The following AFAP1 variants were observed in gnomAD, a reference collection of about 807,000 sequenced individuals.
AFAP1 encodes actin filament associated protein 1.
A neutral mutation model predicts 93.9 loss-of-function variants in AFAP1; 75 were observed. That is an observed-to-expected ratio of 0.80 (90% CI 0.66 to 0.97). The LOEUF is 0.97. Among genes scored for constraint, AFAP1 ranks in the 50% least tolerant of loss-of-function variants. AFAP1 has a pLI of 0.00. For synonymous variants in AFAP1, 517 were observed against 430.7 expected, an observed-to-expected ratio of 1.20 and a Z score of -2.48; for missense variants, 1,201 against 1,050.8, an observed-to-expected ratio of 1.14 and a Z score of -1.98.
intron 14 of AFAP1, chr4:7,775,111 A>G (rs761857733): frequency 1.2e-4 from 69 of 562,142 alleles, no homozygotes; most frequent in Non-Finnish European, 2.0e-4. Flanking sequence ...ACTGTGCTCC[A>G]GCCTGGATGA....
At chr4:7,833,206 A>G (rs895317102) in intron 6 of AFAP1, among the ~76,000 whole-genome samples, 2 of 152,214 alleles carry the variant, frequency 1.3e-5, no homozygotes, top group African/African-American at 4.8e-5. Flanking sequence ...CAGCAGAGTA[A>G]ACAGACAACC....
chr4:7,908,329 T>C (rs1394759856), intron 1 of AFAP1, among the ~76,000 whole-genome samples: 1 of 152,232 alleles, frequency 6.6e-6, no homozygotes, highest in Non-Finnish European at 1.5e-5. Flanking sequence ...ATACTCGCCA[T>C]ATTCCATGGC....
chr4:7,881,844 T>C (rs1421354506), intron 1 of AFAP1, among the ~76,000 whole-genome samples: 1 of 151,918 alleles, frequency 6.6e-6, no homozygotes, highest in Non-Finnish European at 1.5e-5. Flanking sequence ...TGGATCCACA[T>C]CCCAGCTGAT....
intron 1 of AFAP1, among the ~76,000 whole-genome samples, chr4:7,882,807 C>T (rs1257343695): frequency 4.6e-5 from 7 of 151,900 alleles, no homozygotes; most frequent in African/African-American, 7.3e-5. Context: ...TGCAGTGAGC[C>T]GAGATAGAGC....
chr4:7,912,334 C>T (rs62290571), intron 1 of AFAP1, among the ~76,000 whole-genome samples: 46,820 of 152,138 alleles, frequency 0.31, 8,983 homozygotes, highest in Non-Finnish European at 0.44. Context: ...GTGAGTGCTG[C>T]GTCCTATGGC....
chr4:7,856,217 A>C (rs893487795), intron 3 of AFAP1, among the ~76,000 whole-genome samples: 4 of 152,022 alleles, frequency 2.6e-5, no homozygotes, highest in Non-Finnish European at 4.4e-5. Context: ...TAGAGATGGA[A>C]TCCACTCCTT....
chr4:7,792,554 T>A (rs930529716), intron 11 of AFAP1, among the ~76,000 whole-genome samples: 4 of 152,178 alleles, frequency 2.6e-5, no homozygotes, highest in African/African-American at 9.7e-5. Flanking sequence ...CATCTGCAAA[T>A]GCCTATGTGC....
intron 17 of AFAP1, 145 bp downstream of exon 17, chr4:7,768,699 C>T: frequency 9.7e-7 from 1 of 1,031,974 alleles, no homozygotes; most frequent in East Asian, 3.0e-5. Context: ...ACTCGATAAG[C>T]ACCCATTCCC....
At chr4:7,888,790 T>TTTG (rs1553852158) in intron 1 of AFAP1, among the ~76,000 whole-genome samples, 1 of 151,984 alleles carries the variant, frequency 6.6e-6, no homozygotes, top group Admixed American at 6.6e-5. Flanking sequence ...ACAGTTTTTT[T>TTTG]TTGTTGTTGT....
intron 6 of AFAP1, among the ~76,000 whole-genome samples, chr4:7,832,246 A>C (rs1389721884): frequency 6.6e-6 from 1 of 152,100 alleles, no homozygotes; most frequent in Non-Finnish European, 1.5e-5. Context: ...GGACTTCCAG[A>C]AGGATCATCT....
intron 2 of AFAP1, among the ~76,000 whole-genome samples, chr4:7,869,477 A>G (rs1716828253): frequency 6.6e-6 from 1 of 152,236 alleles, no homozygotes; most frequent in Non-Finnish European, 1.5e-5. Flanking sequence ...TGTAATAGAC[A>G]TACTGTATGG....
intron 6 of AFAP1, among the ~76,000 whole-genome samples, chr4:7,824,178 C>A (rs1368383556): frequency 6.6e-6 from 1 of 152,156 alleles, no homozygotes; most frequent in Non-Finnish European, 1.5e-5. Flanking sequence ...ACTTGAAGAG[C>A]CATGTCCTAT....
At position 7,915,124 on chromosome 4, in the gene AFAP1, T is replaced by TTGGGAGGC. The variant is rs1720012745; in HGVS notation, c.-3+24531_-3+24532insGCCTCCCA. On this transcript the variant is annotated intron_variant, in intron 1 of 17. Transcript: ENST00000420658. The stretch of plus-strand genomic sequence containing the variant: ...GTTTCAAACTCCTGACATCCGGTGA[T>TTGGGAGGC]CTGCCCGCCTCGGCCTCCCAAAGTG... Among the ~76,000 whole-genome samples the TTGGGAGGC allele has an allele frequency of 3.9e-5, 6 of 152,346 alleles. No individual in the cohort carries two copies. In the South Asian group the frequency reaches 1.2e-3, roughly 32 times the overall value.
chr4:7,906,568 G>T (rs6850654), intron 1 of AFAP1, among the ~76,000 whole-genome samples: 1 of 151,984 alleles, frequency 6.6e-6, no homozygotes, highest in Non-Finnish European at 1.5e-5. Flanking sequence ...GTATCACTCC[G>T]GCCCAGTGCT....
chr4:7,821,692 A>C (rs1039714449), intron 6 of AFAP1, among the ~76,000 whole-genome samples: 4 of 152,208 alleles, frequency 2.6e-5, no homozygotes, highest in Admixed American at 1.3e-4. Context: ...TCTGGGCAAA[A>C]AAGAAACACC....
Position 7,886,230 on chromosome 4 carries a change from G to A in AFAP1, c.-2-14150C>T, listed in dbSNP as rs973537804. Among the ~76,000 whole-genome samples, 3 of 152,138 alleles carry A rather than the reference G, an allele frequency of 2.0e-5. No individual in the cohort carries two copies. The East Asian group carries it at 5.8e-4, about 29-fold the overall frequency. On this transcript the variant is annotated intron_variant, in intron 1 of 17. Transcript: ENST00000420658. ...CCCAGTTCCGTAATGTATAATGTGGGGATAATAACAGTTATGTGCCTACCA... is the reference window on the plus strand; with the variant it reads ...CCCAGTTCCGTAATGTATAATGTGGAGATAATAACAGTTATGTGCCTACCA...
intron 1 of AFAP1, among the ~76,000 whole-genome samples, chr4:7,888,477 A>G (rs1718259919): frequency 1.3e-5 from 2 of 152,232 alleles, no homozygotes; most frequent in South Asian, 2.1e-4. Context: ...AATATTATGA[A>G]TAGCTTTATG....
chr4:7,776,490 C>G (rs1420531227), intron 14 of AFAP1: 1 of 152,190 alleles, frequency 6.6e-6, no homozygotes, highest in Non-Finnish European at 1.5e-5. Context: ...CATTCACTGA[C>G]AATTCTTACC....
chr4:7,803,150 A>G (rs1389006913), intron 9 of AFAP1, among the ~76,000 whole-genome samples: 1 of 152,226 alleles, frequency 6.6e-6, no homozygotes. Flanking sequence ...TTTGAGCATG[A>G]GTTGACAAAT....
Sources: gnomAD v4.1 joint callset for allele counts (sites outside exome capture counted in the v4.1 genomes callset) on GRCh38, gnomAD v4.1.1 for gene constraint, MANE v1.5 for transcripts, NCBI Gene and HGNC (gene_info 2026-07-23, HGNC 2026-07-21) for gene names.